The following CACNG1 variants were observed in gnomAD, a reference collection of about 807,000 sequenced individuals.
The protein encoded by CACNG1 is calcium voltage-gated channel auxiliary subunit gamma 1, also known as voltage-dependent calcium channel gamma-1 subunit.
CACNG1 carries 21 observed loss-of-function variants against 22.0 expected under a neutral mutation model. The observed-to-expected ratio is 0.95, with a 90% CI of 0.68 to 1.37. The LOEUF (loss-of-function observed/expected upper bound fraction) is 1.37, where lower values mean the gene tolerates loss of function less well. Among genes scored for constraint, CACNG1 ranks in the 40% most tolerant of loss-of-function variants. The pLI is 0.00. For synonymous variants in CACNG1, 127 were observed against 129.2 expected, an observed-to-expected ratio of 0.98 and a Z score of 0.12; for missense variants, 291 against 308.6, an observed-to-expected ratio of 0.94 and a Z score of 0.43.
rs528483593 is a variant in CACNG1, at chr17:67,054,789, GAC to G, written c.305-307_305-306del. Among the ~76,000 whole-genome samples, 2,811 of 150,276 alleles carry G rather than the reference GAC, an allele frequency of 0.019. 34 individuals are homozygous for G. Among genetic ancestry groups the G allele is most frequent in the African/African-American group, 0.03 (1,208 of 40,790 alleles). ...AAAATGACACACAGTGACACACACA[GAC>G]ACACACTGACACACACGTACAATGA... On this transcript the variant is annotated intron_variant, in intron 2 of 3. Transcript: ENST00000226021. This position sits in a 1 kb window ranked among gnomAD's most constrained non-coding sequence, Gnocchi z 4.6.
chr17:67,055,958 G>T lies in CACNG1; in HGVS notation c.443-87G>T, dbSNP rs533577497. ...GCTTTTCCCCCAAGGCAAGGTCACC[G>T]CCTCCTCCATGCACACAGGCTGGGA... On this transcript the variant is annotated intron_variant, in intron 3 of 3. Transcript: ENST00000226021. This position sits in a 1 kb window ranked among gnomAD's most constrained non-coding sequence, Gnocchi z 4.5. 7 of 1,090,502 alleles carry T rather than the reference G, an allele frequency of 6.4e-6. No homozygotes were observed. Among genetic ancestry groups the T allele is most frequent in the Non-Finnish European group, 9.5e-6 (7 of 736,828 alleles). The allele number at this position is 1,090,502 out of a possible 1,614,324, so 67.6% of individuals were successfully genotyped here.
At position 67,054,434 on chromosome 17, in the gene CACNG1, T is replaced by C. The variant is rs2035746477; in HGVS notation, c.304+364T>C. On this transcript the variant is annotated intron_variant, in intron 2 of 3. Coordinates refer to ENST00000226021, the MANE Select transcript of CACNG1 (RefSeq NM_000727.4). The surrounding 1 kb of genome is among the most constrained non-coding windows in gnomAD (Gnocchi z 4.6). ...TGATAGTTAGAGTCTGCAGGGACAG[T>C]CTGAGTCCCTCCCTGGCCTAGAAAT... Among the ~76,000 whole-genome samples the C allele has an allele frequency of 6.6e-6, 1 of 152,102 alleles. No individual in the cohort carries two copies. Among genetic ancestry groups the C allele is most frequent in the South Asian group, 2.1e-4 (1 of 4,824 alleles).
chr17:67,047,765 G>A (rs1026850277), intron 1 of CACNG1, among the ~76,000 whole-genome samples: 1 of 152,118 alleles, frequency 6.6e-6, no homozygotes, highest in African/African-American at 2.4e-5. Context: ...ATGTCCATAA[G>A]TTGCTTTGAA....
intron 1 of CACNG1, among the ~76,000 whole-genome samples, chr17:67,045,363 T>C (rs1417541197): frequency 6.6e-6 from 1 of 152,078 alleles, no homozygotes; most frequent in East Asian, 1.9e-4. Flanking sequence ...AAATGCAGGG[T>C]TCCTTGCTCC....
intron 1 of CACNG1, among the ~76,000 whole-genome samples, chr17:67,047,951 C>T (rs2035706405): frequency 6.6e-6 from 1 of 152,130 alleles, no homozygotes. Context: ...GCATGAAAGT[C>T]ATATGCACAG....
intron 1 of CACNG1, 36 bp from the exon 2 acceptor site, chr17:67,053,960 C>T (rs2035742711): frequency 6.5e-7 from 1 of 1,540,654 alleles, no homozygotes; most frequent in African/African-American, 1.4e-5. Context: ...CTACGGGTTG[C>T]TCCCCTCAAC....
Position 67,055,664 on chromosome 17 carries a change from C to T in CACNG1, c.443-381C>T, listed in dbSNP as rs2035757054. Reference sequence around the variant, plus strand: ...CGCCCCAGCCTCCTAGTAGCTGGGACTACAGACGTGCACCACCACACCTGG... The same window carrying T: ...CGCCCCAGCCTCCTAGTAGCTGGGATTACAGACGTGCACCACCACACCTGG... On this transcript the variant is annotated intron_variant, in intron 3 of 3. Transcript: ENST00000226021. This position sits in a 1 kb window ranked among gnomAD's most constrained non-coding sequence, Gnocchi z 4.5. Among the ~76,000 whole-genome samples, 1 of 152,204 alleles carries T rather than the reference C, an allele frequency of 6.6e-6. No homozygotes were observed. Among genetic ancestry groups the T allele is most frequent in the East Asian group, 1.9e-4 (1 of 5,156 alleles).
intron 1 of CACNG1, among the ~76,000 whole-genome samples, chr17:67,046,914 C>T (rs2035700770): frequency 6.6e-6 from 1 of 152,200 alleles, no homozygotes; most frequent in African/African-American, 2.4e-5. Context: ...CTTAGCCTAA[C>T]CAGCTATGAA....
intron 1 of CACNG1, among the ~76,000 whole-genome samples, chr17:67,046,239 C>T (rs16960490): frequency 6.5e-4 from 99 of 152,316 alleles, no homozygotes; most frequent in African/African-American, 2.2e-3. Context: ...GACGCCCATC[C>T]ACAGTGGCAG....
chr17:67,044,908 G>T lies in CACNG1; in HGVS notation c.229+19G>T. The T allele has an allele frequency of 1.3e-6, 2 of 1,583,650 alleles. No individual in the cohort carries two copies. The highest frequency in any genetic ancestry group is 1.7e-6 in the Non-Finnish European group (2 of 1,157,656). On this transcript the variant is annotated intron_variant, in intron 1 of 3. Transcript: ENST00000226021. This position sits in a 1 kb window ranked among gnomAD's most constrained non-coding sequence, Gnocchi z 6.9. ...CCCGGGGGTAACGTACCCACCCTCCGTCCCGATCCCCACCTCCTGCTCTTC... is the reference window on the plus strand; with the variant it reads ...CCCGGGGGTAACGTACCCACCCTCCTTCCCGATCCCCACCTCCTGCTCTTC...
At chr17:67,049,630 C>T (rs2035716854) in intron 1 of CACNG1, among the ~76,000 whole-genome samples, 2 of 152,172 alleles carry the variant, frequency 1.3e-5, no homozygotes, top group African/African-American at 4.8e-5. Flanking sequence ...TGAGCATAGC[C>T]TTCCCCAGGC....
At chr17:67,048,456 C>T (rs144424761) in intron 1 of CACNG1, among the ~76,000 whole-genome samples, 8,765 of 152,136 alleles carry the variant, frequency 0.058, 336 homozygotes, top group Middle Eastern at 0.11. Context: ...GATCATGCCA[C>T]TGCACTCCAG....
rs547122295 is a variant in CACNG1, at chr17:67,048,317, A to C, written c.229+3428A>C. On this transcript the variant is annotated intron_variant, in intron 1 of 3. Coordinates refer to ENST00000226021, the MANE Select transcript of CACNG1 (RefSeq NM_000727.4). ...AAGACCCTGTCCCTACCAAAAAAAA[A>C]AAAAAAAACAAAAAAAAAACCCCAC... Among the ~76,000 whole-genome samples, 145 of 80,052 alleles carry C rather than the reference A, an allele frequency of 1.8e-3. 1 individual carries two copies. Among genetic ancestry groups the C allele is most frequent in the South Asian group, 2.2e-3 (4 of 1,842 alleles). 52.5% of individuals were successfully genotyped at this position (80,052 alleles called of 152,430 possible).
intron 1 of CACNG1, among the ~76,000 whole-genome samples, chr17:67,052,442 G>A (rs986297333): frequency 7.2e-5 from 11 of 152,108 alleles, no homozygotes; most frequent in Admixed American, 1.3e-4. Context: ...ATTTAGGTCC[G>A]GTTAAAGAAA....
chr17:67,055,280 C>A lies in CACNG1; in HGVS notation c.442+40C>A. On this transcript the variant is annotated intron_variant, in intron 3 of 3. Transcript: ENST00000226021. This position sits in a 1 kb window ranked among gnomAD's most constrained non-coding sequence, Gnocchi z 4.5. ...CTGCCTGAGCGCCGGGGCCGGGGGA[C>A]CATGTCGCGGGGGATTCTCCGCTCC... The A allele has an allele frequency of 6.3e-7, 1 of 1,592,568 alleles. No individual in the cohort carries two copies. Among genetic ancestry groups the A allele is most frequent in the Non-Finnish European group, 8.6e-7 (1 of 1,166,030 alleles).
At chr17:67,050,028 T>C (rs1444651058) in intron 1 of CACNG1, among the ~76,000 whole-genome samples, 2 of 152,226 alleles carry the variant, frequency 1.3e-5, no homozygotes, top group African/African-American at 4.8e-5. Flanking sequence ...GGAGAGACTA[T>C]GTGTTCTGAA....
chr17:67,054,616 GACACACACAGACACACACAACACAGAT>G lies in CACNG1; in HGVS notation c.305-477_305-451del, dbSNP rs2035747664. On this transcript the variant is annotated intron_variant, in intron 2 of 3. Transcript: ENST00000226021. This position sits in a 1 kb window ranked among gnomAD's most constrained non-coding sequence, Gnocchi z 4.6. ...GTGGGCAGACACACAGACACACACT[GACACACACAGACACACACAACACAGAT>G]ACACACACACGACACACACAAGACA... Among the ~76,000 whole-genome samples, 1 of 151,738 alleles carries G rather than the reference GACACACACAGACACACACAACACAGAT, an allele frequency of 6.6e-6. No homozygotes were observed. The highest frequency in any genetic ancestry group is 1.5e-5 in the Non-Finnish European group (1 of 67,918).
Position 67,055,290 on chromosome 17 carries a change from G to A in CACNG1, c.442+50G>A, listed in dbSNP as rs2035755075. On this transcript the variant is annotated intron_variant, in intron 3 of 3. Transcript: ENST00000226021. This position sits in a 1 kb window ranked among gnomAD's most constrained non-coding sequence, Gnocchi z 4.5. ...GCCGGGGCCGGGGGACCATGTCGCG[G>A]GGGATTCTCCGCTCCACCCTCATGC... 1.9e-6 allele frequency: 3 copies of A among 1,582,204 alleles called. No individual in the cohort carries two copies. Among genetic ancestry groups the A allele is most frequent in the Non-Finnish European group, 2.6e-6 (3 of 1,160,362 alleles).
In CACNG1 at chr17:67,044,877, A is replaced by T; in HGVS notation, c.217A>T (p.Thr73Ser). Residue 73 changes from threonine (T) to serine (S), a missense_variant, in exon 1 of 4, where the codon ACC (threonine) becomes TCC (serine). Transcript: ENST00000226021. This position sits in a 1 kb window ranked among gnomAD's most constrained non-coding sequence, Gnocchi z 6.9. ...MDDSKTCGPI[T>S]LPGEKNCSYF... is the part of the protein sequence containing the mutation. Reference sequence around the variant, plus strand: ...CGACAGCAAGACCTGCGGGCCCATCACCCTGCCCGGGGGTAACGTACCCAC... The same window carrying T: ...CGACAGCAAGACCTGCGGGCCCATCTCCCTGCCCGGGGGTAACGTACCCAC... The T allele has an allele frequency of 6.2e-7, 1 of 1,612,302 alleles. No homozygotes were observed. The highest frequency in any genetic ancestry group is 1.1e-5 in the South Asian group (1 of 91,010).
Sources: allele counts gnomAD v4.1 joint callset (sites outside exome capture counted in the v4.1 genomes callset), GRCh38; gene constraint gnomAD v4.1.1; non-coding constraint Gnocchi (gnomAD v3.1); transcripts MANE v1.5; gene names NCBI Gene and HGNC (gene_info 2026-07-23, HGNC 2026-07-21).